The following AFF3 variants were observed in gnomAD, a reference collection of about 807,000 sequenced individuals.
AFF3 encodes the protein AF4/FMR2 family member 3.
In AFF3, 32 loss-of-function variants were observed where a neutral mutation model predicts 129.7. The ratio of observed to expected loss-of-function variants is 0.25; its 90% confidence interval spans 0.19 to 0.33. AFF3 has a LOEUF of 0.33. Among genes scored for constraint, AFF3 ranks in the 10% least tolerant of loss-of-function variants. The pLI, the probability that AFF3 is intolerant of heterozygous loss-of-function variation, is 1.00. For synonymous variants in AFF3, 644 were observed against 635.4 expected (o/e 1.01, Z -0.20); for missense variants, 1,373 against 1,592.0 (o/e 0.86, Z 2.34).
At chr2:100,025,084 T>C (rs1683928972) in intron 4 of AFF3, among the ~76,000 whole-genome samples, 1 of 152,140 alleles carries the variant, frequency 6.6e-6, no homozygotes, top group African/African-American at 2.4e-5. Context: ...ATTAAGGTAG[T>C]AACTATCAAA....
chr2:100,059,464 G>A (rs915233371), intron 4 of AFF3, among the ~76,000 whole-genome samples: 1 of 152,084 alleles, frequency 6.6e-6, no homozygotes, highest in African/African-American at 2.4e-5. Context: ...TCTTAGTGAG[G>A]CTGTGGAGAA....
chr2:100,025,661 G>A (rs773497375), intron 4 of AFF3, among the ~76,000 whole-genome samples: 19 of 152,008 alleles, frequency 1.2e-4, no homozygotes, highest in Non-Finnish European at 1.8e-4. Context: ...CTATAAGGCC[G>A]TAGTCACCAA....
rs111927448 is a variant in AFF3, at chr2:99,776,154, A to G, written c.922-23853T>C. ...AGGGGTTTCAAATGGCATCGGGGGAAAAAAGGAATGCACTTGATGTTCCTG... is the reference window on the plus strand; with the variant it reads ...AGGGGTTTCAAATGGCATCGGGGGAGAAAAGGAATGCACTTGATGTTCCTG... On this transcript the variant is annotated intron_variant, in intron 8 of 24. Coordinates refer to ENST00000672756, the MANE Select transcript of AFF3 (RefSeq NM_001386135.1). Among the ~76,000 whole-genome samples, 778 of 152,342 alleles carry G rather than the reference A, an allele frequency of 5.1e-3. 2 individuals are homozygous for G. The highest frequency in any genetic ancestry group is 0.018 in the African/African-American group (750 of 41,584).
intron 13 of AFF3, among the ~76,000 whole-genome samples, chr2:99,608,696 A>G (rs1347629390): frequency 1.3e-5 from 2 of 152,214 alleles, no homozygotes; most frequent in African/African-American, 2.4e-5. Flanking sequence ...AGGCTAGCCT[A>G]TCTCTGTACC....
chr2:99,930,495 C>T (rs1252754240), intron 7 of AFF3, among the ~76,000 whole-genome samples: 3 of 152,126 alleles, frequency 2.0e-5, no homozygotes, highest in Non-Finnish European at 2.9e-5. Flanking sequence ...CTATAGTAGG[C>T]GAGACAGGCT....
At chr2:99,874,568 T>C (rs2105980022) in intron 7 of AFF3, among the ~76,000 whole-genome samples, 1 of 152,300 alleles carries the variant, frequency 6.6e-6, no homozygotes, top group African/African-American at 2.4e-5. Flanking sequence ...GATGTGGATA[T>C]ATTAGGAAGT....
intron 4 of AFF3, among the ~76,000 whole-genome samples, chr2:100,098,863 A>T (rs539382506): frequency 8.9e-6 from 1 of 112,316 alleles, no homozygotes; most frequent in East Asian, 2.2e-4. Flanking sequence ...GAGCTCCTCC[A>T]CAGCGGATGC....
intron 13 of AFF3, among the ~76,000 whole-genome samples, chr2:99,606,096 A>G (rs1380951586): frequency 6.6e-6 from 1 of 152,204 alleles, no homozygotes; most frequent in Non-Finnish European, 1.5e-5. Context: ...CCTGGGCAGC[A>G]TAGTGAAACC....
At chr2:99,919,506 T>A (rs968142306) in intron 7 of AFF3, among the ~76,000 whole-genome samples, 3 of 152,136 alleles carry the variant, frequency 2.0e-5, no homozygotes, top group African/African-American at 7.2e-5. Context: ...TTATGTTGAA[T>A]AGGTGAATTC....
intron 13 of AFF3, among the ~76,000 whole-genome samples, chr2:99,622,461 G>C (rs1439106827): frequency 6.6e-6 from 1 of 152,230 alleles, no homozygotes; most frequent in East Asian, 1.9e-4. Flanking sequence ...AGAAGGCAGA[G>C]AGGGAGTGGT....
intron 8 of AFF3, among the ~76,000 whole-genome samples, chr2:99,800,009 TA>T (rs555614606): frequency 6.5e-4 from 99 of 152,286 alleles, no homozygotes; most frequent in African/African-American, 2.3e-3. Flanking sequence ...ATTGTGACTT[TA>T]GATTATACCA....
chr2:99,707,240 A>C, intron 11 of AFF3: 1 of 985,426 alleles, frequency 1.0e-6, no homozygotes, highest in Non-Finnish European at 1.2e-6. Context: ...ACAGTGTCAT[A>C]TCTGTGACAT....
chr2:99,634,964 T>TACATACACAC (rs1553411953), intron 13 of AFF3, among the ~76,000 whole-genome samples: 15 of 137,710 alleles, frequency 1.1e-4, no homozygotes, highest in Admixed American at 1.5e-4. Context: ...GATTCTGTCA[T>TACATACACAC]ACACACACAC....
chr2:99,878,463 A>G (rs538058102), intron 7 of AFF3, among the ~76,000 whole-genome samples: 4 of 152,272 alleles, frequency 2.6e-5, no homozygotes, highest in African/African-American at 9.6e-5. Context: ...GAGCCTTCCA[A>G]ATTAACTCAA....
intron 8 of AFF3, among the ~76,000 whole-genome samples, chr2:99,831,221 T>A (rs903924573): frequency 6.6e-5 from 10 of 152,266 alleles, no homozygotes; most frequent in African/African-American, 2.2e-4. Context: ...TATTTGAGCA[T>A]CTGCTGTATG....
chr2:99,827,958 G>A (rs567253223), intron 8 of AFF3, among the ~76,000 whole-genome samples: 9 of 152,176 alleles, frequency 5.9e-5, no homozygotes, highest in East Asian at 1.9e-4. Flanking sequence ...AAGCGTCTGC[G>A]GAGGGTGACG....
At chr2:99,958,194 A>T (rs1676845755) in intron 7 of AFF3, among the ~76,000 whole-genome samples, 1 of 152,180 alleles carries the variant, frequency 6.6e-6, no homozygotes, top group Non-Finnish European at 1.5e-5. Context: ...AGTTACCTCA[A>T]AAACTGGGGG....
chr2:99,860,567 CAAACAAA>C, intron 7 of AFF3, among the ~76,000 whole-genome samples: 1 of 150,136 alleles, frequency 6.7e-6, no homozygotes, highest in African/African-American at 2.4e-5. Context: ...AAACAAAAAA[CAAACAAA>C]AAAATTAGCC....
At chr2:99,651,368 C>A (rs1685235685) in intron 12 of AFF3, among the ~76,000 whole-genome samples, 1 of 152,126 alleles carries the variant, frequency 6.6e-6, no homozygotes, top group Non-Finnish European at 1.5e-5. Flanking sequence ...GTAGACCAGG[C>A]CTACTCAGCA....
Sources: allele counts gnomAD v4.1 joint callset (sites outside exome capture counted in the v4.1 genomes callset), GRCh38; gene constraint gnomAD v4.1.1; transcripts MANE v1.5; gene names NCBI Gene and HGNC (gene_info 2026-07-23, HGNC 2026-07-21).